The following SPRY3 variants were observed in gnomAD, a reference collection of about 807,000 sequenced individuals.
SPRY3 encodes the protein protein sprouty homolog 3.
SPRY3 carries 15 observed loss-of-function variants against 20.2 expected under a neutral mutation model. That is an observed-to-expected ratio of 0.74 (90% CI 0.50 to 1.14). The LOEUF (loss-of-function observed/expected upper bound fraction) is 1.14, where lower values mean the gene tolerates loss of function less well. SPRY3 is among the 50% of genes most tolerant of loss of function. The pLI, the probability that SPRY3 is intolerant of heterozygous loss-of-function variation, is 0.00. For synonymous variants in SPRY3, 143 were observed against 136.5 expected, an observed-to-expected ratio of 1.05 and a Z score of -0.33; for missense variants, 364 against 363.9, an observed-to-expected ratio of 1.00 and a Z score of 0.00.
intron 2 of SPRY3, 27 bp from the exon 2 acceptor site, chrX:155,767,929 GTTTTGT>G (rs1456881163): frequency 6.5e-6 from 1 of 152,912 alleles, no homozygotes; most frequent in Non-Finnish European, 1.4e-5. Context: ...GTTTTGTTTT[GTTTTGT>G]TTTGTGTTTT....
At chrX:155,702,354 G>T (rs2090919356) in intron 2 of SPRY3, among the ~76,000 whole-genome samples, 1 of 10,844 alleles carries the variant, frequency 9.2e-5, no homozygotes, top group Non-Finnish European at 1.8e-4. Context: ...GGATTCCTAG[G>T]TATTTTATTC....
chrX:155,738,966 A>T (rs933088822), intron 2 of SPRY3, among the ~76,000 whole-genome samples: 1 of 152,164 alleles, frequency 6.6e-6, no homozygotes, highest in Non-Finnish European at 1.5e-5. Flanking sequence ...GTCACAACCC[A>T]CTGGGTTAGA....
At chrX:155,714,430 C>T (rs1429024663) in intron 2 of SPRY3, among the ~76,000 whole-genome samples, 1 of 152,152 alleles carries the variant, frequency 6.6e-6, no homozygotes, top group Non-Finnish European at 1.5e-5. Flanking sequence ...GAGGTACCAC[C>T]GTGGTGGTCT....
At chrX:155,639,161 A>G (rs782435435) in intron 1 of SPRY3, among the ~76,000 whole-genome samples, 1 of 112,288 alleles carries the variant, frequency 8.9e-6, no homozygotes, top group African/African-American at 3.2e-5. Flanking sequence ...TTTGAAAACA[A>G]ACCCTCCAGA....
At chrX:155,632,875 C>T (rs1387958125) in intron 1 of SPRY3, among the ~76,000 whole-genome samples, 1 of 111,542 alleles carries the variant, frequency 9.0e-6, no homozygotes. Flanking sequence ...TTGTAAAGTT[C>T]TGTGATGGTT....
chrX:155,665,678 C>T (rs1372786175), intron 2 of SPRY3, among the ~76,000 whole-genome samples: 1 of 111,441 alleles, frequency 9.0e-6, no homozygotes, highest in Admixed American at 9.5e-5. Flanking sequence ...TTAATGGATA[C>T]GTACACATTT....
intron 1 of SPRY3, among the ~76,000 whole-genome samples, chrX:155,619,945 A>G (rs1005197297): frequency 1.8e-5 from 2 of 111,628 alleles, no homozygotes; most frequent in African/African-American, 6.5e-5. Flanking sequence ...GATGTTCAAC[A>G]TCATTTACTC....
rs758583631 is a variant in SPRY3 at position 155,774,704 on chromosome X, C to T, written c.833C>T (p.Ala278Val). The change falls in exon 4 of 4, where the codon GCA (alanine) becomes GTA (valine). Residue 278 changes from alanine to valine, a missense_variant. Coordinates refer to ENST00000675360, the Ensembl canonical transcript of SPRY3. ...TGCAGAAAGATCTCTTCTGGTAGTG[C>T]ACCCTTCCCCAAGGCCCAGGAAAAG... is the stretch of plus-strand genomic sequence containing the variant. The T allele has an allele frequency of 1.3e-4, 206 of 1,613,374 alleles. 1 individual carries two copies. Among genetic ancestry groups the T allele is most frequent in the Non-Finnish European group, 1.6e-4 (190 of 1,179,540 alleles).
At chrX:155,759,833 GAAGT>G (rs58719765) in intron 2 of SPRY3, among the ~76,000 whole-genome samples, 1,892 of 152,256 alleles carry the variant, frequency 0.012, 34 homozygotes, top group East Asian at 0.043. Context: ...GAAACACAGA[GAAGT>G]AAGTAAGCCA....
chrX:155,714,058 A>C (rs2091004911), intron 2 of SPRY3, among the ~76,000 whole-genome samples: 1 of 151,942 alleles, frequency 6.6e-6, no homozygotes, highest in Non-Finnish European at 1.5e-5. Flanking sequence ...TAAGTTTTTA[A>C]ATCTTTGTGT....
chrX:155,774,782 C>T, exon 4 of SPRY3: 1 of 1,568,312 alleles, frequency 6.4e-7, no homozygotes, highest in Non-Finnish European at 8.6e-7. Context: ...TTCGAGTCCC[C>T]AACAGCAAAG....
At chrX:155,633,437 A>T (rs2067913537) in intron 1 of SPRY3, among the ~76,000 whole-genome samples, 1 of 105,746 alleles carries the variant, frequency 9.5e-6, no homozygotes, top group Non-Finnish European at 1.9e-5. Flanking sequence ...ATCAAAGGAG[A>T]GGATAGGTCC....
chrX:155,768,208 C>G (rs1366134563), intron 3 of SPRY3, 72 bp downstream of exon 2: 1 of 149,398 alleles, frequency 6.7e-6, no homozygotes, highest in Non-Finnish European at 1.5e-5. Context: ...CCATTCATTC[C>G]AGCCATCCTG....
chrX:155,641,450 G>A (rs1185168078), intron 1 of SPRY3, among the ~76,000 whole-genome samples: 2 of 114,993 alleles, frequency 1.7e-5, no homozygotes, highest in East Asian at 2.7e-4. Context: ...GGCAGCCCGC[G>A]GTGAGAGAGA....
chrX:155,716,321 T>C (rs2091022242), intron 2 of SPRY3, among the ~76,000 whole-genome samples: 1 of 152,192 alleles, frequency 6.6e-6, no homozygotes, highest in Admixed American at 6.5e-5. Context: ...TTTTATTTTG[T>C]TCTTTATGTT....
At chrX:155,769,743 T>C (rs1261415855) in intron 3 of SPRY3, among the ~76,000 whole-genome samples, 1 of 152,122 alleles carries the variant, frequency 6.6e-6, no homozygotes, top group Non-Finnish European at 1.5e-5. Context: ...AATGAAACCA[T>C]TAAAGTAATG....
chrX:155,704,130 A>G (rs1205632859), intron 2 of SPRY3, among the ~76,000 whole-genome samples: 1 of 151,860 alleles, frequency 6.6e-6, no homozygotes, highest in Non-Finnish European at 1.5e-5. Flanking sequence ...TGAAAAGGCA[A>G]AAAAAAGAAT....
chrX:155,712,715 CA>C lies in SPRY3; in HGVS notation c.-281-55246del, dbSNP rs2090995353. ...TTAATAAGTAGAGACTTACACCTGC[CA>C]TTTTGTTATTTGTTTTCTGGTTGTT... On this transcript the variant is annotated intron_variant, in intron 2 of 3. Coordinates refer to ENST00000675360, the Ensembl canonical transcript of SPRY3. Among the ~76,000 whole-genome samples the C allele has an allele frequency of 5.3e-5, 8 of 151,904 alleles. No individual in the cohort carries two copies. In the South Asian group the frequency reaches 1.7e-3, roughly 32 times the overall value.
intron 2 of SPRY3, among the ~76,000 whole-genome samples, chrX:155,704,634 T>TG (rs1379913750): frequency 6.6e-6 from 1 of 151,394 alleles, no homozygotes; most frequent in Non-Finnish European, 1.5e-5. Flanking sequence ...GAATTTTTTT[T>TG]AAATTAATGA....
Sources: gnomAD v4.1 joint callset for allele counts (sites outside exome capture counted in the v4.1 genomes callset) on GRCh38, gnomAD v4.1.1 for gene constraint, MANE v1.5 for transcripts, NCBI Gene and HGNC (gene_info 2026-07-23, HGNC 2026-07-21) for gene names.